The following RNF213 variants were observed in gnomAD, a reference collection of about 807,000 sequenced individuals.
The protein encoded by RNF213 is ring finger protein 213.
A neutral mutation model predicts 514.4 loss-of-function variants in RNF213; 341 were observed. That is an observed-to-expected ratio of 0.66 (90% CI 0.61 to 0.73). The LOEUF is 0.73. Among genes scored for constraint, RNF213 ranks in the 30% least tolerant of loss-of-function variants. The pLI is 0.00. For synonymous variants in RNF213, 2,655 were observed against 2,658.2 expected, an observed-to-expected ratio of 1.00 and a Z score of 0.04; for missense variants, 5,767 against 6,615.6, an observed-to-expected ratio of 0.87 and a Z score of 4.45.
At chr17:80,349,933 CCT>C in intron 30 of RNF213, 27 bp downstream of exon 30, 1 of 1,612,292 alleles carries the variant, frequency 6.2e-7, no homozygotes, top group Non-Finnish European at 8.5e-7. Flanking sequence ...TCCCTGCTGC[CCT>C]CTCCCTCCCC....
At chr17:80,369,950 C>A in intron 46 of RNF213, 83 bp downstream of exon 46, 1 of 941,454 alleles carries the variant, frequency 1.1e-6, no homozygotes, top group South Asian at 1.3e-5. Flanking sequence ...GTCTTCTTGT[C>A]GTGACTAGTA....
At chr17:80,387,953 A>ATTTTTTT (rs35624579) in intron 63 of RNF213, among the ~76,000 whole-genome samples, 2 of 111,348 alleles carry the variant, frequency 1.8e-5, no homozygotes, top group African/African-American at 3.9e-5. Context: ...GAGCCCATGG[A>ATTTTTTT]TTTTTTTTTT....
chr17:80,326,065 T>G (rs937788403), intron 18 of RNF213, among the ~76,000 whole-genome samples: 3 of 152,058 alleles, frequency 2.0e-5, no homozygotes, highest in Non-Finnish European at 4.4e-5. Flanking sequence ...TTCAAGCGAT[T>G]CTCCTGCCTC....
In RNF213 at chr17:80,349,974, G is replaced by A. The variant is rs181148698; in HGVS notation, c.10088+68G>A. On this transcript the variant is annotated intron_variant, in intron 30 of 67. Transcript: ENST00000582970. ...CGCAGCCGTGTGGCTTCTGCGTGGC[G>A]ATGGTACCCGCGCCGGTTAATGAGC... 3.0e-4 allele frequency: 472 copies of A among 1,573,802 alleles called. 3 individuals carry two copies. The Middle Eastern group carries it at 0.011, about 36-fold the overall frequency.
At chr17:80,361,586 T>C in intron 38 of RNF213, 148 bp from the exon 39 acceptor site, 1 of 810,136 alleles carries the variant, frequency 1.2e-6, no homozygotes, top group Non-Finnish European at 2.1e-6. Flanking sequence ...TTCAATTCCC[T>C]ACAAAATCAG....
intron 67 of RNF213, among the ~76,000 whole-genome samples, chr17:80,390,541 C>T (rs1442227400): frequency 1.3e-5 from 2 of 152,006 alleles, no homozygotes; most frequent in African/African-American, 4.8e-5. Flanking sequence ...GGACTACAGG[C>T]GTGTACCACC....
intron 14 of RNF213, among the ~76,000 whole-genome samples, chr17:80,312,375 C>T (rs1316452984): frequency 6.6e-6 from 1 of 152,018 alleles, no homozygotes; most frequent in Non-Finnish European, 1.5e-5. Flanking sequence ...GTGGGTCCGG[C>T]ACGGAGGCGG....
chr17:80,307,226 T>C, intron 13 of RNF213, 25 bp downstream of exon 13: 1 of 1,611,768 alleles, frequency 6.2e-7, no homozygotes, highest in Non-Finnish European at 8.5e-7. Context: ...CGATGCAGTC[T>C]CTCCCTCACA....
At chr17:80,322,162 T>TCCCCCC (rs1568070291) in intron 17 of RNF213, among the ~76,000 whole-genome samples, 1 of 87,818 alleles carries the variant, frequency 1.1e-5, no homozygotes, top group Non-Finnish European at 2.1e-5. Context: ...CACCCCCCCT[T>TCCCCCC]TTTTTTTTTT....
chr17:80,346,530 T>C lies in RNF213; in HGVS notation c.8195T>C (p.Phe2732Ser), dbSNP rs2078319009. 6.2e-7 allele frequency: 1 copy of C among 1,613,412 alleles called. No homozygotes were observed. The highest frequency in any genetic ancestry group is 1.1e-5 in the South Asian group (1 of 91,086). ...GAAATAACACGGGCACAGGATCTTT[T>C]TCTGGACGGCGTACCTCTGAGGAAA... ...LDEITRAQDLFLDGVPLRKTI... is the reference protein window; with the variant it reads ...LDEITRAQDLSLDGVPLRKTI... Residue 2732 changes from phenylalanine (F) to serine (S), a missense_variant, in exon 29 of 68, where the codon TTT (phenylalanine) becomes TCT (serine). Phe to Ser is a radical substitution (Grantham distance 155). Around this residue, in one of 13 missense-constraint regions of RNF213, gnomAD observed 1,377 missense variants for 1,635.2 expected, o/e 0.84. Transcript: ENST00000582970. The surrounding 1 kb of genome is among the most constrained non-coding windows in gnomAD (Gnocchi z 8.1).
At chr17:80,290,416 TGTGTGC>T (rs1486369802) in intron 6 of RNF213, among the ~76,000 whole-genome samples, 148 bp from the exon 7 acceptor site, 2 of 149,008 alleles carry the variant, frequency 1.3e-5, no homozygotes, top group African/African-American at 2.5e-5. Context: ...TGTGTGTGCG[TGTGTGC>T]GAGTGTGCGC....
At chr17:80,367,608 AG>A in intron 42 of RNF213, 139 bp from the exon 43 acceptor site, 1 of 678,824 alleles carries the variant, frequency 1.5e-6, no homozygotes, top group Non-Finnish European at 2.7e-6. Flanking sequence ...CGTTAAACAC[AG>A]GATCACAAAG....
chr17:80,272,935 C>T (rs12947578), intron 2 of RNF213, among the ~76,000 whole-genome samples: 56,103 of 151,900 alleles, frequency 0.37, 10,634 homozygotes, highest in Non-Finnish European at 0.42. Flanking sequence ...GCCCGAGGTG[C>T]GCTGACATCC....
At position 80,354,463 on chromosome 17, in the gene RNF213, G is replaced by A; in HGVS notation, c.10749G>A (p.Lys3583=). 6.2e-7 allele frequency: 1 copy of A among 1,614,230 alleles called. No individual in the cohort carries two copies. The highest frequency in any genetic ancestry group is 8.5e-7 in the Non-Finnish European group (1 of 1,180,056). ...CAGCCTCTTTCTTGCGGGTATCCAA[G>A]ATGCGCCTCAGTGTCTTTTTAAAGA... ...ACHASFLRVS[K]MRLSVFLKKQ... is the part of the protein sequence containing the mutation. Residue 3583 remains lysine, a synonymous_variant, in exon 36 of 68, where the codon AAG becomes AAA. Transcript: ENST00000582970.
At position 80,389,307 on chromosome 17, in the gene RNF213, G is replaced by A. The variant is rs1218154041; in HGVS notation, c.15135G>A (p.Gln5045=). 7 of 1,614,122 alleles carry A rather than the reference G, an allele frequency of 4.3e-6. No homozygotes were observed. In the African/African-American group the frequency reaches 9.3e-5, roughly 22 times the overall value. The change falls in exon 65 of 68, where the codon CAG becomes CAA. Residue 5045 remains glutamine, a synonymous_variant. Transcript: ENST00000582970. ...CAGCTGGTGGGGATCCAAACATGCA[G>A]CTGAATGTGTATACTCAAGACATCC... ...LSTAGGDPNM[Q]LNVYTQDILQ...
Position 80,339,732 on chromosome 17 carries a change from C to G in RNF213, c.5365C>G (p.Leu1789Val). ...CATCATGGAGCAGTCCATGAGGTGC[C>G]TTCCTGCCTTCCTGCCCGACTGCCT... ...RIIMEQSMRC[L>V]PAFLPDCLDL... Residue 1789 changes from leucine to valine, a missense_variant, in exon 26 of 68, where the codon CTT (leucine) becomes GTT (valine). By Grantham distance (32) the Leu-to-Val change is conservative (BLOSUM62 1). Coordinates refer to ENST00000582970, the MANE Select transcript of RNF213 (RefSeq NM_001256071.3). 1.3e-6 allele frequency: 2 copies of G among 1,537,154 alleles called. No individual in the cohort carries two copies. Among genetic ancestry groups the G allele is most frequent in the Non-Finnish European group, 1.7e-6 (2 of 1,146,842 alleles).
In RNF213 at chr17:80,332,027, T is replaced by A; in HGVS notation, c.3539T>A (p.Val1180Glu). 1 of 1,536,600 alleles carries A rather than the reference T, an allele frequency of 6.5e-7. No individual in the cohort carries two copies. The highest frequency in any genetic ancestry group is 8.7e-7 in the Non-Finnish European group (1 of 1,146,490). Reference protein sequence around the residue: ...LIQVDFGVLAVRHSQDLSSKR... With the variant: ...LIQVDFGVLAERHSQDLSSKR... ...AAAGTGGACTTTGGAGTGCTTGCAG[T>A]AAGACACTCACAAGACCTCAGCAGT... The change falls in exon 21 of 68, where the codon GTA (valine) becomes GAA (glutamate). Residue 1180 changes from valine (V) to glutamate (E), a missense_variant. By Grantham distance (121) the Val-to-Glu change is moderately radical. This residue lies in a region of RNF213 where 516 missense variants were observed against 566.5 expected (regional missense o/e 0.91). Coordinates refer to ENST00000582970, the MANE Select transcript of RNF213 (RefSeq NM_001256071.3).
intron 41 of RNF213, among the ~76,000 whole-genome samples, 185 bp downstream of exon 41, chr17:80,363,975 G>A (rs932389710): frequency 1.3e-5 from 2 of 152,252 alleles, no homozygotes; most frequent in Admixed American, 6.5e-5. Context: ...TTAGGGTGCT[G>A]GAGACACGAG....
intron 2 of RNF213, among the ~76,000 whole-genome samples, chr17:80,270,837 G>C (rs1438511981): frequency 2.6e-5 from 4 of 152,274 alleles, no homozygotes; most frequent in Non-Finnish European, 4.4e-5. Context: ...GTGTACTAGG[G>C]CTTTGCTCCA....
Sources: allele counts gnomAD v4.1 joint callset (sites outside exome capture counted in the v4.1 genomes callset), GRCh38; gene constraint gnomAD v4.1.1; regional missense constraint gnomAD v4.1.1; non-coding constraint Gnocchi (gnomAD v3.1); transcripts MANE v1.5; gene names NCBI Gene and HGNC (gene_info 2026-07-23, HGNC 2026-07-21).